MAN1A2: variants seen among roughly 807,000 people sequenced by gnomAD.
MAN1A2 encodes mannosidase alpha class 1A member 2.
MAN1A2 carries 26 observed loss-of-function variants against 75.7 expected under a neutral mutation model. That is an observed-to-expected ratio of 0.34 (90% CI 0.25 to 0.48). The LOEUF (loss-of-function observed/expected upper bound fraction) is 0.48, where lower values mean the gene tolerates loss of function less well. MAN1A2 is among the 20% of genes least tolerant of loss of function. The pLI is 0.99. For missense variants in MAN1A2, 562 were observed against 775.5 expected (o/e 0.72, Z 3.27); for synonymous variants, 247 against 264.6 (o/e 0.93, Z 0.65).
At chr1:117,384,764 T>C (rs924091783) in intron 1 of MAN1A2, among the ~76,000 whole-genome samples, 8 of 152,180 alleles carry the variant, frequency 5.3e-5, no homozygotes, top group Non-Finnish European at 1.2e-4. Flanking sequence ...AATGTATATA[T>C]TTATAGTTTT....
chr1:117,434,036 G>A (rs1648765422), intron 5 of MAN1A2, among the ~76,000 whole-genome samples: 1 of 152,186 alleles, frequency 6.6e-6, no homozygotes, highest in Non-Finnish European at 1.5e-5. Context: ...TAGAATGACA[G>A]TTTCCATAGA....
chr1:117,373,445 T>A lies in MAN1A2; in HGVS notation c.302+4960T>A, dbSNP rs1411744039. Among the ~76,000 whole-genome samples the A allele has an allele frequency of 2.0e-5, 3 of 152,072 alleles. No individual in the cohort carries two copies. In the East Asian group the frequency reaches 5.8e-4, roughly 29 times the overall value. On this transcript the variant is annotated intron_variant, in intron 1 of 12. Coordinates refer to ENST00000356554, the MANE Select transcript of MAN1A2 (RefSeq NM_006699.5). ...GTGAGGTTTGTTTGTATTTGACGTT[T>A]GTCAACAACAGACTGGTGTAGATGC... is the stretch of plus-strand genomic sequence containing the variant.
In MAN1A2 at chr1:117,448,773, C is replaced by T. The variant is rs147917232; in HGVS notation, c.950+6448C>T. Among the ~76,000 whole-genome samples the T allele has an allele frequency of 1.4e-3, 206 of 152,122 alleles. 2 individuals are homozygous for T. Among genetic ancestry groups the T allele is most frequent in the Non-Finnish European group, 7.8e-4 (53 of 67,974 alleles). Reference sequence around the variant, plus strand: ...ACCTGTAATGGAGTGATGGGAGTGGCGAATTTGGGAGTGGGAGGAGTGGCA... The same window carrying T: ...ACCTGTAATGGAGTGATGGGAGTGGTGAATTTGGGAGTGGGAGGAGTGGCA... On this transcript the variant is annotated intron_variant, in intron 6 of 12. Coordinates refer to ENST00000356554, the MANE Select transcript of MAN1A2 (RefSeq NM_006699.5).
chr1:117,492,312 C>T (rs1030044263), intron 8 of MAN1A2, among the ~76,000 whole-genome samples: 4 of 152,074 alleles, frequency 2.6e-5, no homozygotes, highest in Non-Finnish European at 5.9e-5. Flanking sequence ...CAGTCAGCAA[C>T]CATTATCATC....
chr1:117,475,475 A>G (rs1650286405), intron 8 of MAN1A2, among the ~76,000 whole-genome samples: 1 of 151,786 alleles, frequency 6.6e-6, no homozygotes, highest in Non-Finnish European at 1.5e-5. Context: ...TCAACTCGTC[A>G]TCTACGTTAG....
intron 11 of MAN1A2, among the ~76,000 whole-genome samples, chr1:117,501,656 T>C (rs1301865045): frequency 6.6e-6 from 1 of 151,844 alleles, no homozygotes; most frequent in Non-Finnish European, 1.5e-5. Context: ...ATCCAAAATT[T>C]CTTTAGAATA....
chr1:117,502,352 A>G (rs1651228253), intron 11 of MAN1A2, among the ~76,000 whole-genome samples: 1 of 151,742 alleles, frequency 6.6e-6, no homozygotes, highest in Admixed American at 6.6e-5. Flanking sequence ...TAGGATTATG[A>G]TAATGCAATG....
intron 7 of MAN1A2, among the ~76,000 whole-genome samples, chr1:117,462,813 A>G (rs1325561640): frequency 1.3e-5 from 2 of 152,142 alleles, no homozygotes; most frequent in East Asian, 1.9e-4. Flanking sequence ...GAATGACCCA[A>G]TTCGTATAAT....
chr1:117,477,882 C>A (rs1650373159), intron 8 of MAN1A2, among the ~76,000 whole-genome samples: 1 of 152,010 alleles, frequency 6.6e-6, no homozygotes, highest in South Asian at 2.1e-4. Flanking sequence ...GTTTAGAAAA[C>A]CCCATCGCCT....
chr1:117,371,191 A>G (rs1652954018), intron 1 of MAN1A2, among the ~76,000 whole-genome samples: 1 of 152,316 alleles, frequency 6.6e-6, no homozygotes, highest in East Asian at 1.9e-4. Context: ...ACTTTCCTTT[A>G]AATACTGTAT....
At chr1:117,492,630 C>T (rs888456954) in intron 8 of MAN1A2, among the ~76,000 whole-genome samples, 1 of 151,956 alleles carries the variant, frequency 6.6e-6, no homozygotes, top group African/African-American at 2.4e-5. Context: ...TTATGTTATA[C>T]AAGGTGATAT....
chr1:117,461,752 G>A (rs144047435), intron 7 of MAN1A2, among the ~76,000 whole-genome samples: 26 of 152,068 alleles, frequency 1.7e-4, no homozygotes, highest in Non-Finnish European at 2.6e-4. Flanking sequence ...GAGAGATATC[G>A]TATTTATATA....
At chr1:117,370,577 A>C (rs2101711738) in intron 1 of MAN1A2, among the ~76,000 whole-genome samples, 1 of 152,352 alleles carries the variant, frequency 6.6e-6, no homozygotes, top group South Asian at 2.1e-4. Flanking sequence ...GTATGTTTAA[A>C]ATGTGGAAAC....
intron 6 of MAN1A2, among the ~76,000 whole-genome samples, chr1:117,447,709 C>T (rs1649283187): frequency 1.3e-5 from 2 of 151,934 alleles, no homozygotes; most frequent in South Asian, 2.1e-4. Flanking sequence ...AGTAGATAGC[C>T]TTTTTATGTC....
At chr1:117,412,037 G>T (rs2101767728) in intron 3 of MAN1A2, among the ~76,000 whole-genome samples, 1 of 151,778 alleles carries the variant, frequency 6.6e-6, no homozygotes, top group East Asian at 1.9e-4. Context: ...ATGATATAAA[G>T]AATTTACAAA....
intron 1 of MAN1A2, among the ~76,000 whole-genome samples, chr1:117,386,759 T>A (rs1653540179): frequency 1.3e-5 from 2 of 151,942 alleles, no homozygotes; most frequent in African/African-American, 4.8e-5. Flanking sequence ...CTAGAGACCC[T>A]GTCTCTAGAA....
chr1:117,482,839 C>T (rs1340742456), intron 8 of MAN1A2, among the ~76,000 whole-genome samples: 2 of 151,994 alleles, frequency 1.3e-5, no homozygotes, highest in African/African-American at 2.4e-5. Context: ...AATGGTACTG[C>T]CTAGGTTTTC....
chr1:117,402,492 TACAA>T (rs1200944358), intron 2 of MAN1A2, 51 bp downstream of exon 2: 1 of 1,466,776 alleles, frequency 6.8e-7, no homozygotes, highest in Non-Finnish European at 9.2e-7. Context: ...TGTATTTGGA[TACAA>T]ACAAATATAT....
At chr1:117,406,246 T>C (rs1490449490) in intron 3 of MAN1A2, among the ~76,000 whole-genome samples, 2 of 152,180 alleles carry the variant, frequency 1.3e-5, no homozygotes, top group East Asian at 3.8e-4. Context: ...TTAACAACTT[T>C]TACTAAACCC....
Sources: gnomAD v4.1 joint callset for allele counts (sites outside exome capture counted in the v4.1 genomes callset) on GRCh38, gnomAD v4.1.1 for gene constraint, MANE v1.5 for transcripts, NCBI Gene and HGNC (gene_info 2026-07-23, HGNC 2026-07-21) for gene names.